Variants in WDR70 observed in about 807,000 individuals in gnomAD.
WDR70 encodes the protein WD repeat domain 70, also known as WD repeat-containing protein 70.
Under a neutral mutation model 88.6 loss-of-function variants are expected in WDR70, and 53 were observed. The observed-to-expected ratio is 0.60, with a 90% CI of 0.48 to 0.75. The LOEUF (loss-of-function observed/expected upper bound fraction) is 0.75, where lower values mean the gene tolerates loss of function less well. Among genes scored for constraint, WDR70 ranks in the 30% least tolerant of loss-of-function variants. The probability of loss-of-function intolerance (pLI) is 0.00; values close to 1 mark genes in which losing one functional copy is unlikely to be tolerated. For missense variants in WDR70, 610 were observed against 823.2 expected (o/e 0.74, Z 3.17); for synonymous variants, 280 against 270.0 (o/e 1.04, Z -0.36).
intron 9 of WDR70, among the ~76,000 whole-genome samples, chr5:37,536,082 T>C (rs1219224860): frequency 6.6e-6 from 1 of 152,194 alleles, no homozygotes; most frequent in African/African-American, 2.4e-5. Context: ...TGTAGGGCAC[T>C]ACAGTGGTGG....
chr5:37,383,960 A>G (rs1476679857), intron 3 of WDR70, among the ~76,000 whole-genome samples: 2 of 152,136 alleles, frequency 1.3e-5, no homozygotes, highest in Non-Finnish European at 2.9e-5. Flanking sequence ...ATCAGATTTA[A>G]CTACTGTAAC....
At chr5:37,638,773 C>T (rs1476867950) in intron 10 of WDR70, among the ~76,000 whole-genome samples, 1 of 152,142 alleles carries the variant, frequency 6.6e-6, no homozygotes, top group Non-Finnish European at 1.5e-5. Context: ...TTGACAGTTA[C>T]TGGGATCTGT....
chr5:37,655,182 T>A (rs1175909921), intron 10 of WDR70, among the ~76,000 whole-genome samples: 4 of 152,176 alleles, frequency 2.6e-5, no homozygotes, highest in Non-Finnish European at 5.9e-5. Context: ...TGTAAAGGAT[T>A]TTATTTCTCC....
intron 9 of WDR70, among the ~76,000 whole-genome samples, chr5:37,521,893 G>A (rs1023533473): frequency 1.3e-5 from 2 of 152,164 alleles, no homozygotes; most frequent in African/African-American, 4.8e-5. Flanking sequence ...TGTAGATCCA[G>A]TGGGATTGCT....
chr5:37,671,530 G>A (rs1746023867), intron 10 of WDR70, among the ~76,000 whole-genome samples: 1 of 152,026 alleles, frequency 6.6e-6, no homozygotes, highest in African/African-American at 2.4e-5. Context: ...TAAAATTTTA[G>A]GTCAAGTAGT....
At chr5:37,715,935 C>T (rs1176748767) in intron 13 of WDR70, among the ~76,000 whole-genome samples, 7 of 152,100 alleles carry the variant, frequency 4.6e-5, no homozygotes, top group Admixed American at 3.9e-4. Flanking sequence ...CGCACACACA[C>T]ACACCCATTC....
intron 9 of WDR70, among the ~76,000 whole-genome samples, chr5:37,572,867 C>T (rs995403892): frequency 2.6e-5 from 4 of 152,126 alleles, no homozygotes; most frequent in East Asian, 1.9e-4. Context: ...GGCTAAAATC[C>T]GAAATGTTTA....
intron 10 of WDR70, among the ~76,000 whole-genome samples, chr5:37,608,670 G>A (rs1271077118): frequency 3.3e-5 from 5 of 151,724 alleles, no homozygotes; most frequent in African/African-American, 1.2e-4. Flanking sequence ...TGATCCTTCT[G>A]CTTCAGCCTC....
intron 3 of WDR70, among the ~76,000 whole-genome samples, chr5:37,383,618 C>A (rs1049482768): frequency 6.6e-6 from 1 of 151,568 alleles, no homozygotes; most frequent in African/African-American, 2.4e-5. Context: ...CTCGCTCTGT[C>A]GCCCTGGCTG....
chr5:37,599,401 A>C (rs1458519988), intron 9 of WDR70, among the ~76,000 whole-genome samples: 1 of 152,224 alleles, frequency 6.6e-6, no homozygotes, highest in East Asian at 1.9e-4. Context: ...CAGAATATTC[A>C]TTCAATCAAA....
chr5:37,452,465 C>T (rs887369951), intron 7 of WDR70, among the ~76,000 whole-genome samples: 2 of 152,104 alleles, frequency 1.3e-5, no homozygotes, highest in African/African-American at 4.8e-5. Flanking sequence ...GTGGTTTCAC[C>T]ATGTTGGCCA....
chr5:37,382,443 C>T (rs920643396), intron 3 of WDR70, among the ~76,000 whole-genome samples: 2 of 150,938 alleles, frequency 1.3e-5, no homozygotes, highest in African/African-American at 2.4e-5. Context: ...GATGGAGTCT[C>T]GCTTTATTGC....
intron 7 of WDR70, among the ~76,000 whole-genome samples, chr5:37,452,744 G>A (rs1738713879): frequency 6.6e-6 from 1 of 152,204 alleles, no homozygotes; most frequent in Non-Finnish European, 1.5e-5. Context: ...TGGAAACATA[G>A]TATGATGTTT....
intron 17 of WDR70, among the ~76,000 whole-genome samples, chr5:37,739,229 T>G (rs2112727629): frequency 6.6e-6 from 1 of 152,338 alleles, no homozygotes; most frequent in South Asian, 2.1e-4. Context: ...CTGACTTCGT[T>G]AAGGTAGATA....
At chr5:37,425,704 T>C (rs1323598588) in intron 5 of WDR70, among the ~76,000 whole-genome samples, 1 of 152,218 alleles carries the variant, frequency 6.6e-6, no homozygotes, top group Non-Finnish European at 1.5e-5. Flanking sequence ...TCTATAATTA[T>C]AATGATTTTG....
At chr5:37,402,943 C>CTTTTTTT (rs1561838923) in intron 5 of WDR70, among the ~76,000 whole-genome samples, 3 of 41,712 alleles carry the variant, frequency 7.2e-5, no homozygotes, top group African/African-American at 2.5e-4. Flanking sequence ...TCCCTCCCTC[C>CTTTTTTT]GTTTTTTTTT....
rs569026584 is a variant in WDR70, at chr5:37,397,405, G to T, written c.492+835G>T. On this transcript the variant is annotated intron_variant, in intron 5 of 17. Coordinates refer to ENST00000265107, the MANE Select transcript of WDR70 (RefSeq NM_018034.4). Reference sequence around the variant, plus strand: ...AATCGCTTGAACCTGGGAGGCAGAGGTTGCAGTGAGCTGAGATTGTGCCAT... The same window carrying T: ...AATCGCTTGAACCTGGGAGGCAGAGTTTGCAGTGAGCTGAGATTGTGCCAT... Among the ~76,000 whole-genome samples the T allele has an allele frequency of 5.3e-5, 8 of 151,654 alleles. 1 individual carries two copies. The South Asian group carries it at 1.7e-3, about 32-fold the overall frequency.
intron 10 of WDR70, among the ~76,000 whole-genome samples, chr5:37,679,271 G>A (rs1417005730): frequency 6.6e-6 from 1 of 152,154 alleles, no homozygotes; most frequent in Non-Finnish European, 1.5e-5. Context: ...TCCATTGCTG[G>A]TGAGGAACTG....
rs569118300 is a variant in WDR70 at position 37,632,611 on chromosome 5, A to G, written c.1092+27373A>G. ...TTTAATAGACAAAAGTTTATAGAGTAAGGATATAAAGAAAGAAAATATTTT... is the reference window on the plus strand; with the variant it reads ...TTTAATAGACAAAAGTTTATAGAGTGAGGATATAAAGAAAGAAAATATTTT... On this transcript the variant is annotated intron_variant, in intron 10 of 17. Transcript: ENST00000265107. Among the ~76,000 whole-genome samples the G allele has an allele frequency of 4.6e-5, 7 of 152,326 alleles. No individual in the cohort carries two copies. In the East Asian group the frequency reaches 1.3e-3, roughly 29 times the overall value.
Sources: allele counts gnomAD v4.1 joint callset (sites outside exome capture counted in the v4.1 genomes callset), GRCh38; gene constraint gnomAD v4.1.1; transcripts MANE v1.5; gene names NCBI Gene and HGNC (gene_info 2026-07-23, HGNC 2026-07-21).